The following NEK10 variants were observed in gnomAD, a reference collection of about 807,000 sequenced individuals.
The protein encoded by NEK10 is NIMA related kinase 10.
Under a neutral mutation model 159.8 loss-of-function variants are expected in NEK10, and 122 were observed. The ratio of observed to expected loss-of-function variants is 0.76; its 90% CI spans 0.66 to 0.89. The LOEUF (loss-of-function observed/expected upper bound fraction) is 0.89, where lower values mean the gene tolerates loss of function less well. NEK10 is among the 40% of genes least tolerant of loss of function. The pLI is 0.00. For missense variants in NEK10, 1,342 were observed against 1,323.1 expected (o/e 1.01, Z -0.22); for synonymous variants, 466 against 457.1 (o/e 1.02, Z -0.25).
chr3:27,280,788 T>C (rs1234234986), intron 22 of NEK10, among the ~76,000 whole-genome samples: 1 of 151,950 alleles, frequency 6.6e-6, no homozygotes, highest in Non-Finnish European at 1.5e-5. Flanking sequence ...ACAAGACAGT[T>C]GAGAAAAGCC....
chr3:27,191,177 T>C (rs1270587690), intron 26 of NEK10, among the ~76,000 whole-genome samples: 2 of 152,062 alleles, frequency 1.3e-5, no homozygotes, highest in Non-Finnish European at 2.9e-5. Flanking sequence ...ACCAACTTCA[T>C]ACATAATTTT....
chr3:27,355,991 T>C (rs146988981), intron 1 of NEK10, among the ~76,000 whole-genome samples: 66 of 152,366 alleles, frequency 4.3e-4, no homozygotes, highest in African/African-American at 1.6e-3. Flanking sequence ...TGAGAGATAA[T>C]TGAGCCAAGA....
At chr3:27,271,416 GC>G (rs779630125) in intron 22 of NEK10, among the ~76,000 whole-genome samples, 48 of 152,040 alleles carry the variant, frequency 3.2e-4, no homozygotes, top group Non-Finnish European at 6.2e-4. Context: ...TTTTTAGGGA[GC>G]CCACTATAAT....
chr3:27,240,561 T>G (rs1323745349), intron 23 of NEK10, among the ~76,000 whole-genome samples: 3 of 152,126 alleles, frequency 2.0e-5, no homozygotes, highest in Non-Finnish European at 4.4e-5. Context: ...GCAACTTCCA[T>G]GTAAACATTT....
chr3:27,246,371 AC>A (rs1210118075), intron 23 of NEK10, among the ~76,000 whole-genome samples: 1 of 152,074 alleles, frequency 6.6e-6, no homozygotes, highest in Non-Finnish European at 1.5e-5. Context: ...CTCTCCTCCA[AC>A]CTTTCATCCT....
intron 23 of NEK10, among the ~76,000 whole-genome samples, chr3:27,254,938 C>T (rs1369212884): frequency 2.6e-5 from 4 of 151,918 alleles, no homozygotes; most frequent in Admixed American, 2.6e-4. Flanking sequence ...CACACACACA[C>T]ACACACACAC....
At chr3:27,134,030 G>A (rs1322756166) in intron 31 of NEK10, among the ~76,000 whole-genome samples, 2 of 151,940 alleles carry the variant, frequency 1.3e-5, no homozygotes, top group Non-Finnish European at 2.9e-5. Context: ...TGAAATGAAA[G>A]GAGGAAATTT....
At chr3:27,135,042 G>A (rs960623391) in intron 31 of NEK10, among the ~76,000 whole-genome samples, 1 of 152,156 alleles carries the variant, frequency 6.6e-6, no homozygotes, top group African/African-American at 2.4e-5. Flanking sequence ...AATACTTTCT[G>A]AGCAGCGTCT....
At chr3:27,317,664 C>G (rs777732599) in intron 6 of NEK10, among the ~76,000 whole-genome samples, 2 of 152,120 alleles carry the variant, frequency 1.3e-5, no homozygotes, top group Non-Finnish European at 2.9e-5. Context: ...GGCTCTCATC[C>G]TAAGCCTACG....
chr3:27,252,068 A>G (rs1245535311), intron 23 of NEK10: 1 of 175,214 alleles, frequency 5.7e-6, no homozygotes, highest in Non-Finnish European at 1.3e-5. Context: ...TCAATTATTC[A>G]AAGTATTTCT....
chr3:27,206,947 C>T (rs1313199235), intron 23 of NEK10, among the ~76,000 whole-genome samples: 3 of 152,126 alleles, frequency 2.0e-5, no homozygotes, highest in Non-Finnish European at 4.4e-5. Context: ...TCCTGGGAAA[C>T]ATTTCTATTT....
intron 23 of NEK10, among the ~76,000 whole-genome samples, chr3:27,218,736 TAAA>T (rs1178048499): frequency 1.1e-5 from 1 of 93,168 alleles, no homozygotes; most frequent in African/African-American, 4.4e-5. Context: ...GAATGAAGTC[TAAA>T]AAAAAAAAAA....
intron 29 of NEK10, among the ~76,000 whole-genome samples, chr3:27,166,656 T>G (rs571381737): frequency 6.6e-6 from 1 of 152,286 alleles, no homozygotes; most frequent in South Asian, 2.1e-4. Context: ...CACAATCATC[T>G]TCACATATAA....
chr3:27,327,134 A>G lies in NEK10; in HGVS notation c.363-4873T>C, dbSNP rs150586908. 1.9e-3 allele frequency among the ~76,000 whole-genome samples: 296 copies of G among 152,304 alleles called. 2 individuals carry two copies. The highest frequency in any genetic ancestry group is 6.9e-3 in the African/African-American group (285 of 41,574). ...CAGCTACACAATAAGTAATAGAGCC[A>G]GGTGCCAGACTCCCATTCCAGTGCT... On this transcript the variant is annotated intron_variant, in intron 5 of 35. Coordinates refer to ENST00000691995, the MANE Select transcript of NEK10 (RefSeq NM_001394966.1).
At chr3:27,303,578 A>T (rs1212371038) in intron 12 of NEK10, among the ~76,000 whole-genome samples, 3 of 152,234 alleles carry the variant, frequency 2.0e-5, no homozygotes, top group African/African-American at 7.2e-5. Context: ...CTATAAAGTA[A>T]TTGATATTTT....
At chr3:27,317,210 C>T (rs1488856820) in intron 6 of NEK10, among the ~76,000 whole-genome samples, 1 of 152,168 alleles carries the variant, frequency 6.6e-6, no homozygotes, top group Non-Finnish European at 1.5e-5. Flanking sequence ...CCTTGCATTT[C>T]CTTTCCTTAT....
chr3:27,281,341 A>G (rs2042146005), intron 22 of NEK10, among the ~76,000 whole-genome samples: 1 of 152,104 alleles, frequency 6.6e-6, no homozygotes, highest in Non-Finnish European at 1.5e-5. Context: ...ATTGAAGAGC[A>G]CACGTGGCTA....
chr3:27,316,392 G>A (rs919014340), intron 6 of NEK10, among the ~76,000 whole-genome samples: 1 of 152,128 alleles, frequency 6.6e-6, no homozygotes, highest in Non-Finnish European at 1.5e-5. Context: ...GGGAGTGGCT[G>A]GGCACAATGT....
rs778243614 is a variant in NEK10, at chr3:27,131,990, G to T, written c.2971C>A (p.Leu991Ile). 3.2e-6 allele frequency: 5 copies of T among 1,557,720 alleles called. No homozygotes were observed. In the East Asian group the frequency reaches 9.0e-5, roughly 28 times the overall value. ...QLHKIIYITQ[L>I]PPALHHNLKR... is the part of the protein sequence containing the mutation. ...AAATTGTGGTGCAAAGCTGGAGGAA[G>T]CTGCATAAAATAAGAAAACAATCAT... Residue 991 changes from leucine to isoleucine, a missense_variant and splice_region_variant, in exon 32 of 36, where the codon CTT becomes ATT. Transcript: ENST00000691995.
Sources: allele counts gnomAD v4.1 joint callset (sites outside exome capture counted in the v4.1 genomes callset), GRCh38; gene constraint gnomAD v4.1.1; transcripts MANE v1.5; gene names NCBI Gene and HGNC (gene_info 2026-07-23, HGNC 2026-07-21).